NRXN3: variants seen among roughly 807,000 people sequenced by gnomAD.
NRXN3 encodes neurexin 3.
Under a neutral mutation model 137.6 loss-of-function variants are expected in NRXN3, and 32 were observed. That is an observed-to-expected ratio of 0.23 (90% confidence interval 0.18 to 0.31). The LOEUF (loss-of-function observed/expected upper bound fraction) is 0.31, where lower values mean the gene tolerates loss of function less well. NRXN3 is among the 10% of genes least tolerant of loss of function. The pLI is 1.00. For missense variants in NRXN3, 1,574 were observed against 2,062.5 expected, an observed-to-expected ratio of 0.76 and a Z score of 4.59; for synonymous variants, 798 against 784.5, an observed-to-expected ratio of 1.02 and a Z score of -0.29.
intron 19 of NRXN3, among the ~76,000 whole-genome samples, chr14:79,740,767 T>TATAA (rs2098960421): frequency 9.1e-6 from 1 of 110,404 alleles, no homozygotes; most frequent in African/African-American, 3.5e-5. Context: ...TATATATATA[T>TATAA]AACCTTACTT....
chr14:78,895,168 G>A lies in NRXN3; in HGVS notation c.2276-62074G>A, dbSNP rs900806722. Among the ~76,000 whole-genome samples the A allele has an allele frequency of 6.6e-5, 10 of 151,790 alleles. No homozygotes were observed. The East Asian group carries it at 1.9e-3, about 30-fold the overall frequency. ...TTGATGTCTCCTCTGTAGCTATAAA[G>A]GTCCTAGGTGGCATCTTTTTCCTAT... On this transcript the variant is annotated intron_variant, in intron 10 of 20. Coordinates refer to ENST00000335750, the MANE Select transcript of NRXN3 (RefSeq NM_001330195.2).
intron 3 of NRXN3, among the ~76,000 whole-genome samples, chr14:78,281,967 A>G (rs1401622194): frequency 1.3e-5 from 2 of 152,152 alleles, no homozygotes; most frequent in South Asian, 2.1e-4. Flanking sequence ...CTTAACCTCA[A>G]AAATCTCTAT....
At chr14:78,282,867 A>G (rs915077111) in intron 3 of NRXN3, among the ~76,000 whole-genome samples, 3 of 152,148 alleles carry the variant, frequency 2.0e-5, no homozygotes, top group Admixed American at 2.0e-4. Flanking sequence ...CACAGAGGGG[A>G]TGCACTTGAA....
At chr14:79,658,023 A>G (rs2098514759) in intron 16 of NRXN3, among the ~76,000 whole-genome samples, 1 of 152,204 alleles carries the variant, frequency 6.6e-6, no homozygotes, top group South Asian at 2.1e-4. Flanking sequence ...GGATACTTAC[A>G]TTTAAAATAC....
At chr14:78,801,914 C>T (rs1177915097) in intron 8 of NRXN3, among the ~76,000 whole-genome samples, 3 of 152,188 alleles carry the variant, frequency 2.0e-5, no homozygotes, top group African/African-American at 7.2e-5. Flanking sequence ...TGTCATTTAA[C>T]CACTTGTATG....
chr14:78,911,426 C>T lies in NRXN3; in HGVS notation c.2276-45816C>T, dbSNP rs911943563. Among the ~76,000 whole-genome samples the T allele has an allele frequency of 3.3e-5, 5 of 152,124 alleles. No homozygotes were observed. In the East Asian group the frequency reaches 9.6e-4, roughly 29 times the overall value. Reference sequence around the variant, plus strand: ...AAGATGCCTCATAATAATACCAAGCCTCTGTGATATTCCAGTACTTTTTAT... The same window carrying T: ...AAGATGCCTCATAATAATACCAAGCTTCTGTGATATTCCAGTACTTTTTAT... On this transcript the variant is annotated intron_variant, in intron 10 of 20. Transcript: ENST00000335750.
chr14:79,754,836 G>T (rs550118357), intron 19 of NRXN3, among the ~76,000 whole-genome samples: 1 of 151,988 alleles, frequency 6.6e-6, no homozygotes, highest in South Asian at 2.1e-4. Context: ...TCTTGTGGTA[G>T]TGGGTGAGTT....
chr14:78,891,071 G>T (rs565724316), intron 10 of NRXN3, among the ~76,000 whole-genome samples: 1 of 152,034 alleles, frequency 6.6e-6, no homozygotes, highest in South Asian at 2.1e-4. Flanking sequence ...GGCTTAGTTG[G>T]TGGTGACTTC....
intron 15 of NRXN3, among the ~76,000 whole-genome samples, chr14:79,193,699 G>T (rs2064739260): frequency 6.6e-6 from 1 of 152,136 alleles, no homozygotes; most frequent in African/African-American, 2.4e-5. Flanking sequence ...ACAGTTATGT[G>T]GAAACATCTT....
At chr14:79,018,252 C>G (rs1261794306) in intron 15 of NRXN3, among the ~76,000 whole-genome samples, 4 of 71,020 alleles carry the variant, frequency 5.6e-5, no homozygotes, top group Non-Finnish European at 1.0e-4. Context: ...AAGAGCAAAA[C>G]TCTGTCTCAA....
At chr14:79,483,784 G>GTGT (rs60256221) in intron 16 of NRXN3, among the ~76,000 whole-genome samples, 2,528 of 151,918 alleles carry the variant, frequency 0.017, 81 homozygotes, top group African/African-American at 0.059. Context: ...TGTGTGTGTG[G>GTGT]GTGGGTGTGT....
chr14:78,321,246 C>A (rs773777804), intron 4 of NRXN3, among the ~76,000 whole-genome samples: 2 of 152,052 alleles, frequency 1.3e-5, no homozygotes, highest in Non-Finnish European at 2.9e-5. Context: ...CTCGTGCATG[C>A]TGCTACTTTC....
chr14:78,884,218 T>G (rs2099136841), intron 10 of NRXN3, among the ~76,000 whole-genome samples: 1 of 152,240 alleles, frequency 6.6e-6, no homozygotes, highest in Non-Finnish European at 1.5e-5. Context: ...TTACTTTCTC[T>G]CATTTACTGC....
intron 15 of NRXN3, among the ~76,000 whole-genome samples, chr14:79,229,355 C>T (rs927411183): frequency 2.6e-5 from 4 of 152,140 alleles, no homozygotes; most frequent in African/African-American, 9.7e-5. Flanking sequence ...TTAGTCATTT[C>T]CCATTTGTTT....
chr14:78,931,072 T>C lies in NRXN3; in HGVS notation c.2276-26170T>C, dbSNP rs541919318. Among the ~76,000 whole-genome samples the C allele has an allele frequency of 8.5e-5, 13 of 152,246 alleles. No individual in the cohort carries two copies. In the East Asian group the frequency reaches 2.3e-3, roughly 27 times the overall value. On this transcript the variant is annotated intron_variant, in intron 10 of 20. Coordinates refer to ENST00000335750, the MANE Select transcript of NRXN3 (RefSeq NM_001330195.2). ...AAATGAGTGGTATACAATGAATAAG[T>C]TGTGGTCAGGAACCATGTCCCCAGA... is the stretch of plus-strand genomic sequence containing the variant.
chr14:79,750,746 C>G (rs2098994760), intron 19 of NRXN3, among the ~76,000 whole-genome samples: 1 of 152,118 alleles, frequency 6.6e-6, no homozygotes, highest in Non-Finnish European at 1.5e-5. Flanking sequence ...TAAAATACTT[C>G]TGTGGAGTCG....
intron 4 of NRXN3, among the ~76,000 whole-genome samples, chr14:78,626,704 A>G (rs2097462170): frequency 6.6e-6 from 1 of 152,196 alleles, no homozygotes; most frequent in Non-Finnish European, 1.5e-5. Context: ...TAGGGTCTTC[A>G]GAGGGCTATC....
intron 14 of NRXN3, among the ~76,000 whole-genome samples, chr14:78,974,068 A>G (rs2099454672): frequency 6.6e-6 from 1 of 152,048 alleles, no homozygotes; most frequent in African/African-American, 2.4e-5. Context: ...TTTAAATTAA[A>G]TAAAAGAATA....
At chr14:78,800,517 A>G (rs994067787) in intron 8 of NRXN3, among the ~76,000 whole-genome samples, 1 of 152,126 alleles carries the variant, frequency 6.6e-6, no homozygotes, top group Non-Finnish European at 1.5e-5. Flanking sequence ...GATCTTCATA[A>G]TATGTCTTAT....
Sources: gnomAD v4.1 joint callset for allele counts (sites outside exome capture counted in the v4.1 genomes callset) on GRCh38, gnomAD v4.1.1 for gene constraint, MANE v1.5 for transcripts, NCBI Gene and HGNC (gene_info 2026-07-23, HGNC 2026-07-21) for gene names.